Variants in FREM2 observed in about 807,000 individuals in gnomAD.
FREM2 encodes the protein FRAS1 related extracellular matrix 2.
In FREM2, 119 loss-of-function variants were observed where a neutral mutation model predicts 219.9. The ratio of observed to expected loss-of-function variants is 0.54; its 90% CI spans 0.47 to 0.63. FREM2 has a LOEUF of 0.63. Ranked by LOEUF, FREM2 falls within the 30% of genes least tolerant of loss-of-function variation. FREM2 has a pLI of 0.00. For synonymous variants in FREM2, 1,562 were observed against 1,522.8 expected (o/e 1.03, Z -0.60); for missense variants, 4,030 against 3,993.6 (o/e 1.01, Z -0.25).
intron 2 of FREM2, among the ~76,000 whole-genome samples, chr13:38,755,153 G>A (rs1270764999): frequency 4.0e-5 from 6 of 151,824 alleles, no homozygotes; most frequent in African/African-American, 7.3e-5. Flanking sequence ...TGCCTGCCTC[G>A]GCCCCCCAAA....
intron 6 of FREM2, among the ~76,000 whole-genome samples, chr13:38,798,593 T>C (rs540400010): frequency 6.6e-6 from 1 of 152,250 alleles, no homozygotes; most frequent in Admixed American, 6.5e-5. Context: ...ATTTATTAAG[T>C]CCTGAGCTTT....
At chr13:38,721,548 A>G (rs1210552766) in intron 2 of FREM2, among the ~76,000 whole-genome samples, 1 of 152,188 alleles carries the variant, frequency 6.6e-6, no homozygotes, top group African/African-American at 2.4e-5. Flanking sequence ...CAGAGCCTGT[A>G]TAGACCAGAG....
intron 9 of FREM2, among the ~76,000 whole-genome samples, chr13:38,850,505 A>G (rs1183269806): frequency 2.0e-5 from 3 of 152,238 alleles, no homozygotes; most frequent in Admixed American, 6.5e-5. Flanking sequence ...TACAGATTTT[A>G]CAATGCTAGG....
intron 2 of FREM2, among the ~76,000 whole-genome samples, chr13:38,723,717 C>T (rs985481449): frequency 1.3e-5 from 2 of 152,186 alleles, no homozygotes. Context: ...TACTTCATGA[C>T]TATACGTCAA....
At position 38,689,446 on chromosome 13, in the gene FREM2, C is replaced by T. The variant is rs777945148; in HGVS notation, c.2102C>T (p.Pro701Leu). 4.3e-6 allele frequency: 7 copies of T among 1,614,058 alleles called. No individual in the cohort carries two copies. Among genetic ancestry groups the T allele is most frequent in the East Asian group, 2.2e-5 (1 of 44,864 alleles). The change falls in exon 1 of 24, where the codon CCG becomes CTG. Residue 701 changes from proline to leucine, a missense_variant. By Grantham distance (98) the Pro-to-Leu change is moderately conservative. This residue lies in a region of FREM2 where 3,102 missense variants were observed against 2,950.7 expected (regional missense o/e 1.05). Transcript: ENST00000280481. ...ATCCATCCTGTGGATCGCCTCCCTC[C>T]GGAGCTGGGCAGTGGCTGTCCCCTT... is the stretch of plus-strand genomic sequence containing the variant. ...IRIHPVDRLPPELGSGCPLRM... is the reference protein window; with the variant it reads ...IRIHPVDRLPLELGSGCPLRM...
chr13:38,790,418 C>A (rs532405893), intron 6 of FREM2, among the ~76,000 whole-genome samples: 1 of 152,148 alleles, frequency 6.6e-6, no homozygotes, highest in South Asian at 2.1e-4. Flanking sequence ...TGTAAAACCT[C>A]CATTTAAAAG....
At chr13:38,747,393 A>ATGTGTGTG (rs1491337077) in intron 2 of FREM2, among the ~76,000 whole-genome samples, 1 of 56,824 alleles carries the variant, frequency 1.8e-5, no homozygotes, top group Non-Finnish European at 3.3e-5. Context: ...AGCTGATATA[A>ATGTGTGTG]TATGTGTGTG....
At chr13:38,814,628 T>G (rs1052470136) in intron 6 of FREM2, among the ~76,000 whole-genome samples, 25 of 152,180 alleles carry the variant, frequency 1.6e-4, no homozygotes, top group African/African-American at 6.0e-4. Context: ...TACTGAGCCT[T>G]GCCCAAGGCC....
At chr13:38,723,868 A>G (rs997365606) in intron 2 of FREM2, among the ~76,000 whole-genome samples, 2 of 152,164 alleles carry the variant, frequency 1.3e-5, no homozygotes, top group African/African-American at 4.8e-5. Flanking sequence ...AGATTCTATT[A>G]TTTATCCTCA....
At chr13:38,748,462 A>AGGC (rs2137790210) in intron 2 of FREM2, among the ~76,000 whole-genome samples, 1 of 152,364 alleles carries the variant, frequency 6.6e-6, no homozygotes, top group African/African-American at 2.4e-5. Context: ...GATACTGCAC[A>AGGC]GGCTCTCTGC....
intron 2 of FREM2, among the ~76,000 whole-genome samples, chr13:38,759,786 C>T (rs182916886): frequency 8.3e-4 from 126 of 152,314 alleles, no homozygotes; most frequent in Non-Finnish European, 1.1e-3. Context: ...TATAATTTCA[C>T]GTTCAGTAAG....
chr13:38,783,179 C>G lies in FREM2; in HGVS notation c.5751C>G (p.Val1917=), dbSNP rs1279418755. 8.1e-6 allele frequency: 13 copies of G among 1,614,032 alleles called. No homozygotes were observed. Among genetic ancestry groups the G allele is most frequent in the Non-Finnish European group, 1.1e-5 (13 of 1,179,946 alleles). The part of the protein sequence containing the change: ...SGDVSQELMV[V]CYTQQGTATG... The stretch of plus-strand genomic sequence containing the variant: ...ATGTGAGCCAGGAGTTGATGGTGGT[C>G]TGTTATACCCAACAAGGTAGCTCGA... Residue 1917 remains valine (V), a synonymous_variant, in exon 5 of 24, where the codon GTC becomes GTG. Transcript: ENST00000280481.
rs1869622792 is a variant in FREM2 at position 38,688,610 on chromosome 13, A to G, written c.1266A>G (p.Ser422=). ...TAGTGGATCTAGAAGGAGCAGCTTC[A>G]GACCCTTTTGCCTTCATGGTAGTGG... ...LEVVDLEGAA[S]DPFAFMVVVK... The change falls in exon 1 of 24, where the codon TCA becomes TCG. Residue 422 remains serine (S), a synonymous_variant. Transcript: ENST00000280481. 1 of 1,614,046 alleles carries G rather than the reference A, an allele frequency of 6.2e-7. No homozygotes were observed. Among genetic ancestry groups the G allele is most frequent in the Admixed American group, 1.7e-5 (1 of 60,000 alleles).
chr13:38,687,578 A>G lies in FREM2; in HGVS notation c.234A>G (p.Gly78=), dbSNP rs750047827. The G allele has an allele frequency of 2.9e-5, 47 of 1,604,626 alleles. No homozygotes were observed. The highest frequency in any genetic ancestry group is 3.9e-5 in the Non-Finnish European group (46 of 1,175,542). Residue 78 remains glycine, a synonymous_variant, in exon 1 of 24, where the codon GGA becomes GGG. Coordinates refer to ENST00000280481, the MANE Select transcript of FREM2 (RefSeq NM_207361.6). The part of the protein sequence containing the change: ...AEEAIVLANR[G]LRVPFGREVW... The stretch of plus-strand genomic sequence containing the variant: ...AGGCCATAGTGCTGGCGAACCGCGG[A>G]CTCCGGGTGCCTTTCGGCCGTGAAG...
intron 6 of FREM2, among the ~76,000 whole-genome samples, chr13:38,818,072 G>A (rs960007783): frequency 2.0e-5 from 3 of 152,050 alleles, no homozygotes; most frequent in African/African-American, 4.8e-5. Flanking sequence ...GAACACTGAC[G>A]TACTGTTGGT....
intron 6 of FREM2, among the ~76,000 whole-genome samples, chr13:38,842,627 A>C (rs1044189606): frequency 6.6e-6 from 1 of 152,140 alleles, no homozygotes; most frequent in African/African-American, 2.4e-5. Flanking sequence ...TAGATCTACA[A>C]AGCTTACTTG....
chr13:38,690,735 A>G lies in FREM2; in HGVS notation c.3391A>G (p.Ile1131Val). ...AGGCTCTGAGAAATCAAGAGCAGGG[A>G]TTGCCATAAGTGCTTTCAACTTGAA... ...APGSEKSRAG[I>V]AISAFNLKDL... The change falls in exon 1 of 24, where the codon ATT becomes GTT. Residue 1131 changes from isoleucine (I) to valine (V), a missense_variant. By Grantham distance (29) the Ile-to-Val change is conservative. This residue lies in a region of FREM2 where 3,102 missense variants were observed against 2,950.7 expected (regional missense o/e 1.05). Transcript: ENST00000280481. The G allele has an allele frequency of 6.2e-7, 1 of 1,614,154 alleles. No homozygotes were observed. The highest frequency in any genetic ancestry group is 8.5e-7 in the Non-Finnish European group (1 of 1,180,020).
Position 38,691,040 on chromosome 13 carries a change from C to T in FREM2, c.3696C>T (p.Phe1232=). The part of the protein sequence containing the change: ...LDDLTFTITQ[F]PTHGHIMNQL... ...ATTTAACTTTCACTATTACCCAATT[C>T]CCCACTCATGGTCACATCATGAATC... Residue 1232 remains phenylalanine (F), a synonymous_variant, in exon 1 of 24, where the codon TTC becomes TTT. Transcript: ENST00000280481. 1 of 1,614,112 alleles carries T rather than the reference C, an allele frequency of 6.2e-7. No homozygotes were observed. Among genetic ancestry groups the T allele is most frequent in the Non-Finnish European group, 8.5e-7 (1 of 1,180,014 alleles).
rs745878515 is a variant in FREM2 at position 38,691,842 on chromosome 13, G to C, written c.4498G>C (p.Asp1500His). 1.2e-6 allele frequency: 2 copies of C among 1,614,130 alleles called. No homozygotes were observed. Among genetic ancestry groups the C allele is most frequent in the Non-Finnish European group, 1.7e-6 (2 of 1,180,036 alleles). ...NKIYYIHTAD[D>H]EVKMDSFEFQ... ...AATCTACTACATCCACACAGCTGAT[G>C]ATGAAGTGAAAATGGACAGTTTTGA... The change falls in exon 1 of 24, where the codon GAT becomes CAT. Residue 1500 changes from aspartate (D) to histidine (H), a missense_variant. This residue lies in a region of FREM2 where 3,102 missense variants were observed against 2,950.7 expected (regional missense o/e 1.05). Coordinates refer to ENST00000280481, the MANE Select transcript of FREM2 (RefSeq NM_207361.6).
Sources: gnomAD v4.1 joint callset for allele counts (sites outside exome capture counted in the v4.1 genomes callset) on GRCh38, gnomAD v4.1.1 for gene constraint, gnomAD v4.1.1 regional missense constraint, MANE v1.5 for transcripts, NCBI Gene and HGNC (gene_info 2026-07-23, HGNC 2026-07-21) for gene names.